Variants in NUCKS1 observed in about 807,000 individuals in gnomAD.
NUCKS1 encodes nuclear ubiquitous casein and cyclin-dependent kinase substrate 1.
A neutral mutation model predicts 33.0 loss-of-function variants in NUCKS1; 2 were observed. That is an observed-to-expected ratio of 0.06 (90% CI 0.02 to 0.19). The LOEUF (loss-of-function observed/expected upper bound fraction) is 0.19, where lower values mean the gene tolerates loss of function less well. Among genes scored for constraint, NUCKS1 ranks in the 10% least tolerant of loss-of-function variants. The probability of loss-of-function intolerance (pLI) is 1.00; values close to 1 mark genes in which losing one functional copy is unlikely to be tolerated. For synonymous variants in NUCKS1, 106 were observed against 102.8 expected (o/e 1.03, Z -0.19); for missense variants, 201 against 293.6 (o/e 0.68, Z 2.31).
intron 1 of NUCKS1, among the ~76,000 whole-genome samples, chr1:205,739,841 G>A (rs551163625): frequency 1.3e-5 from 2 of 151,928 alleles, no homozygotes; most frequent in Non-Finnish European, 2.9e-5. Flanking sequence ...TGCCCTCCTC[G>A]GCCTCCCAAA....
At chr1:205,741,297 C>CAAAAAAAAA (rs56979923) in intron 1 of NUCKS1, among the ~76,000 whole-genome samples, 90 of 78,746 alleles carry the variant, frequency 1.1e-3, no homozygotes, top group Non-Finnish European at 1.5e-3. Context: ...GAGACTGTCT[C>CAAAAAAAAA]AAAAAAAAAA....
chr1:205,743,470 C>T (rs1165604037), intron 1 of NUCKS1, among the ~76,000 whole-genome samples: 1 of 152,232 alleles, frequency 6.6e-6, no homozygotes, highest in Non-Finnish European at 1.5e-5. Flanking sequence ...AACTCAACCA[C>T]TTAACCTATT....
rs1671825071 is a variant in NUCKS1, at chr1:205,716,528, T to C, written c.*1752A>G. ...CTATTTATGTTCAAGTCCTGTATTT[T>C]TGGCCATGTAACTGAAAACTCCTTA... On this transcript the variant is annotated 3_prime_UTR_variant, in exon 7 of 7. Coordinates refer to ENST00000367142, the MANE Select transcript of NUCKS1 (RefSeq NM_022731.5). 1 of 152,228 alleles carries C rather than the reference T, an allele frequency of 6.6e-6. No homozygotes were observed. The highest frequency in any genetic ancestry group is 6.5e-5 in the Admixed American group (1 of 15,276). The allele number at this position is 152,228 out of a possible 1,614,324, so 9.4% of individuals were successfully genotyped here.
chr1:205,729,680 C>G (rs1653860698), intron 1 of NUCKS1, 59 bp from the exon 2 acceptor site: 2 of 1,193,022 alleles, frequency 1.7e-6, no homozygotes, highest in African/African-American at 1.5e-5. Flanking sequence ...TCTAAGACAT[C>G]AGAACACACA....
intron 1 of NUCKS1, among the ~76,000 whole-genome samples, chr1:205,735,525 C>T (rs1369977047): frequency 6.6e-6 from 1 of 152,160 alleles, no homozygotes; most frequent in Non-Finnish European, 1.5e-5. Context: ...AACTGGAGGA[C>T]AGCATAAAAT....
chr1:205,719,603 T>C lies in NUCKS1; in HGVS notation c.456A>G (p.Lys152=). The change falls in exon 6 of 7, where the codon AAA becomes AAG. Residue 152 remains lysine (K), a synonymous_variant. Transcript: ENST00000367142. ...TGGACTTCTTAACCATCTTTTTGTT[T>C]TTCTTTTTCGAACTGCCATAGTCAC... ...DDSDYGSSKK[K]NKKMVKKSKP... The C allele has an allele frequency of 6.2e-7, 1 of 1,613,896 alleles. No individual in the cohort carries two copies. The highest frequency in any genetic ancestry group is 1.1e-5 in the South Asian group (1 of 91,018).
At position 205,717,775 on chromosome 1, in the gene NUCKS1, A is replaced by G. The variant is rs1006211075; in HGVS notation, c.*505T>C. ...CTTGTGTCTATAGACAAATAAACTC[A>G]TATTAGATGACAATTGATTTTTTAA... On this transcript the variant is annotated 3_prime_UTR_variant, in exon 7 of 7. Transcript: ENST00000367142. 2 of 985,124 alleles carry G rather than the reference A, an allele frequency of 2.0e-6. No homozygotes were observed. Among genetic ancestry groups the G allele is most frequent in the African/African-American group, 1.7e-5 (1 of 57,228 alleles). 61.0% of individuals were successfully genotyped at this position (985,124 alleles called of 1,614,324 possible).
At chr1:205,720,700 T>C in intron 4 of NUCKS1, 47 bp from the exon 5 acceptor site, 2 of 1,534,170 alleles carry the variant, frequency 1.3e-6, no homozygotes, top group Non-Finnish European at 1.8e-6. Flanking sequence ...GAATTTTATA[T>C]TTGACAAGAT....
rs113566772 is a variant in NUCKS1 at position 205,747,100 on chromosome 1, C to G, written c.17+2857G>C. On this transcript the variant is annotated intron_variant, in intron 1 of 6. Transcript: ENST00000367142. ...TTAAAAAAGTTAAAAATGTTACATACTATGTTCTTTAATCAGCACTAATAA... is the reference window on the plus strand; with the variant it reads ...TTAAAAAAGTTAAAAATGTTACATAGTATGTTCTTTAATCAGCACTAATAA... Among the ~76,000 whole-genome samples the G allele has an allele frequency of 7.7e-4, 117 of 152,288 alleles. 1 individual carries two copies. Among genetic ancestry groups the G allele is most frequent in the African/African-American group, 2.6e-3 (108 of 41,550 alleles).
At chr1:205,728,438 T>C (rs1436641999) in intron 2 of NUCKS1, among the ~76,000 whole-genome samples, 1 of 152,142 alleles carries the variant, frequency 6.6e-6, no homozygotes, top group Non-Finnish European at 1.5e-5. Context: ...ATATAACCAT[T>C]GATAGGAATT....
At chr1:205,730,284 T>C (rs1027521845) in intron 1 of NUCKS1, among the ~76,000 whole-genome samples, 1 of 151,708 alleles carries the variant, frequency 6.6e-6, no homozygotes, top group Non-Finnish European at 1.5e-5. Flanking sequence ...TGAGCTCAGG[T>C]AGTCATCCTG....
intron 3 of NUCKS1, among the ~76,000 whole-genome samples, chr1:205,725,637 T>G (rs942009872): frequency 2.0e-5 from 3 of 152,192 alleles, no homozygotes; most frequent in African/African-American, 7.2e-5. Flanking sequence ...ACAGCAAAGT[T>G]AAGTGAAGGC....
intron 1 of NUCKS1, among the ~76,000 whole-genome samples, chr1:205,738,873 G>GCA (rs1432079045): frequency 6.6e-6 from 1 of 152,136 alleles, no homozygotes; most frequent in Non-Finnish European, 1.5e-5. Context: ...TCACCACACT[G>GCA]CACTCTGGCC....
intron 1 of NUCKS1, among the ~76,000 whole-genome samples, chr1:205,743,645 A>G (rs180689256): frequency 3.3e-5 from 5 of 152,346 alleles, no homozygotes; most frequent in Admixed American, 6.5e-5. Flanking sequence ...TTGATCACAT[A>G]TATTTTTAAT....
At chr1:205,743,580 T>A (rs1654235009) in intron 1 of NUCKS1, among the ~76,000 whole-genome samples, 1 of 152,258 alleles carries the variant, frequency 6.6e-6, no homozygotes, top group South Asian at 2.1e-4. Context: ...TTTCCTTTAG[T>A]CTTTTAATAC....
intron 1 of NUCKS1, among the ~76,000 whole-genome samples, chr1:205,730,154 A>G (rs1653873410): frequency 1.3e-5 from 2 of 152,156 alleles, no homozygotes. Context: ...ACTGGGCCCA[A>G]GTAATCCGCC....
At chr1:205,743,988 TAAAAC>T (rs1654247833) in intron 1 of NUCKS1, among the ~76,000 whole-genome samples, 1 of 152,196 alleles carries the variant, frequency 6.6e-6, no homozygotes, top group African/African-American at 2.4e-5. Flanking sequence ...CGTATAAACT[TAAAAC>T]AATGCCACCT....
intron 1 of NUCKS1, among the ~76,000 whole-genome samples, chr1:205,740,484 G>A (rs868774237): frequency 6.6e-6 from 1 of 151,856 alleles, no homozygotes; most frequent in East Asian, 2.0e-4. Flanking sequence ...GTGTGGTGGC[G>A]CACGCCTGTA....
Position 205,718,159 on chromosome 1 carries a change from A to G in NUCKS1, c.*121T>C, listed in dbSNP as rs1671859364. The G allele has an allele frequency of 7.4e-7, 1 of 1,360,100 alleles. No homozygotes were observed. Among genetic ancestry groups the G allele is most frequent in the South Asian group, 2.2e-5 (1 of 45,470 alleles). 84.3% of individuals were successfully genotyped at this position (1,360,100 alleles called of 1,614,324 possible). On this transcript the variant is annotated 3_prime_UTR_variant, in exon 7 of 7. Transcript: ENST00000367142. ...AAATGGAAAAAAGCACTGAAAGCCC[A>G]TGAGTCAAGCCATAGCCAAAACCAT...
Sources: gnomAD v4.1 joint callset for allele counts (sites outside exome capture counted in the v4.1 genomes callset) on GRCh38, gnomAD v4.1.1 for gene constraint, MANE v1.5 for transcripts, NCBI Gene and HGNC (gene_info 2026-07-23, HGNC 2026-07-21) for gene names.